The following JKAMP variants were observed in gnomAD, a reference collection of about 807,000 sequenced individuals.
JKAMP encodes the protein JNK1/MAPK8 associated membrane protein.
In JKAMP, 20 loss-of-function variants were observed where a neutral mutation model predicts 40.2. The ratio of observed to expected loss-of-function variants is 0.50; its 90% CI spans 0.35 to 0.72. The LOEUF is 0.72. JKAMP is among the 30% of genes least tolerant of loss of function. JKAMP has a pLI of 0.01. For missense variants in JKAMP, 276 were observed against 373.0 expected (o/e 0.74, Z 2.14); for synonymous variants, 138 against 131.6 (o/e 1.05, Z -0.33).
rs1257565382 is a variant in JKAMP, at chr14:59,498,898, A to T, written c.630A>T (p.Gly210=). ...TAACCGTGCTTCAGGCAGTTGGTGG[A>T]GGCCTTTTATGTAAGTTTGATGGGT... ...PILTVLQAVG[G]GLLYYAFPYI... Residue 210 remains glycine (G), a synonymous_variant, in exon 5 of 7, where the codon GGA becomes GGT. Transcript: ENST00000616435. The T allele has an allele frequency of 6.3e-7, 1 of 1,598,842 alleles. No individual in the cohort carries two copies. The highest frequency in any genetic ancestry group is 1.7e-5 in the Admixed American group (1 of 58,534).
chr14:59,500,348 A>G (rs908801896), intron 5 of JKAMP, among the ~76,000 whole-genome samples: 1 of 152,226 alleles, frequency 6.6e-6, no homozygotes, highest in Non-Finnish European at 1.5e-5. Context: ...GTAGTTTCAT[A>G]AACTGAAGTC....
intron 2 of JKAMP, 88 bp downstream of exon 2, chr14:59,486,892 C>A: frequency 2.1e-6 from 2 of 930,460 alleles, no homozygotes; most frequent in Non-Finnish European, 3.3e-6. Flanking sequence ...TGTTATTATA[C>A]TCATTAATTT....
At chr14:59,485,013 G>A (rs1890419583) in intron 1 of JKAMP, 2 of 1,597,158 alleles carry the variant, frequency 1.3e-6, no homozygotes, top group Middle Eastern at 1.6e-4. Context: ...GTCACAAAGG[G>A]CAGGACCGCT....
At chr14:59,487,928 T>A in intron 3 of JKAMP, 100 bp downstream of exon 3, 1 of 1,106,120 alleles carries the variant, frequency 9.0e-7, no homozygotes, top group Non-Finnish European at 1.3e-6. Context: ...GTTTTAAAAG[T>A]GGTAAACATG....
chr14:59,484,632 G>A, intron 1 of JKAMP, 39 bp downstream of exon 1: 1 of 1,573,006 alleles, frequency 6.4e-7, no homozygotes, highest in South Asian at 1.2e-5. Flanking sequence ...GTTTCTGGTA[G>A]TCCCGACTAC....
intron 6 of JKAMP, 68 bp downstream of exon 6, chr14:59,501,335 C>A: frequency 1.0e-6 from 1 of 961,162 alleles, no homozygotes; most frequent in Non-Finnish European, 1.6e-6. Context: ...TCAGAATAGT[C>A]CATATGATAT....
intron 6 of JKAMP, among the ~76,000 whole-genome samples, chr14:59,502,750 A>ATTT (rs760030560): frequency 2.0e-4 from 1 of 4,908 alleles, no homozygotes; most frequent in African/African-American, 3.5e-4. Flanking sequence ...ATAAAATGAG[A>ATTT]TTTTTTTTTT....
intron 5 of JKAMP, among the ~76,000 whole-genome samples, chr14:59,499,658 G>T (rs886769682): frequency 2.0e-5 from 3 of 152,190 alleles, no homozygotes; most frequent in Non-Finnish European, 4.4e-5. Flanking sequence ...ACGTCCCAAG[G>T]ATGTTGGACA....
chr14:59,502,110 T>G (rs959192110), intron 6 of JKAMP, among the ~76,000 whole-genome samples: 5 of 152,300 alleles, frequency 3.3e-5, no homozygotes, highest in African/African-American at 1.2e-4. Context: ...AAATGGGCAT[T>G]CTTGTACATT....
intron 3 of JKAMP, among the ~76,000 whole-genome samples, chr14:59,488,077 A>G (rs183705874): frequency 1.3e-5 from 2 of 152,250 alleles, no homozygotes; most frequent in Non-Finnish European, 2.9e-5. Context: ...CTTCTCAACT[A>G]TAATCCTTAT....
At chr14:59,498,392 A>G (rs558749448) in intron 4 of JKAMP, among the ~76,000 whole-genome samples, 19 of 152,318 alleles carry the variant, frequency 1.2e-4, no homozygotes, top group African/African-American at 4.3e-4. Flanking sequence ...ATTATAAGTG[A>G]TTCAATAAAA....
chr14:59,497,038 A>C (rs1338461639), intron 4 of JKAMP, among the ~76,000 whole-genome samples: 2 of 150,446 alleles, frequency 1.3e-5, no homozygotes, highest in Non-Finnish European at 2.9e-5. Flanking sequence ...AAGCAATAGC[A>C]CACAGTTACC....
intron 4 of JKAMP, among the ~76,000 whole-genome samples, chr14:59,496,689 T>A (rs1466289357): frequency 1.3e-5 from 2 of 152,188 alleles, no homozygotes; most frequent in Non-Finnish European, 2.9e-5. Context: ...GGCAGCACTC[T>A]CTGTCAATCA....
chr14:59,490,126 T>C (rs770134863), intron 3 of JKAMP, among the ~76,000 whole-genome samples: 4 of 152,066 alleles, frequency 2.6e-5, no homozygotes, highest in Non-Finnish European at 5.9e-5. Flanking sequence ...CTCTCTATGT[T>C]GCCCAGGCTG....
chr14:59,499,670 C>G (rs1046129110), intron 5 of JKAMP, among the ~76,000 whole-genome samples: 8 of 152,022 alleles, frequency 5.3e-5, no homozygotes, highest in Admixed American at 1.3e-4. Flanking sequence ...TGTTGGACAC[C>G]ATCCTTTATA....
intron 3 of JKAMP, among the ~76,000 whole-genome samples, chr14:59,490,746 A>G (rs1890930887): frequency 6.6e-6 from 1 of 152,214 alleles, no homozygotes; most frequent in Non-Finnish European, 1.5e-5. Context: ...TTTCTGTTAT[A>G]TTAATAGAAT....
chr14:59,492,093 C>G (rs1193807550), intron 3 of JKAMP, among the ~76,000 whole-genome samples: 2 of 152,060 alleles, frequency 1.3e-5, no homozygotes, highest in Non-Finnish European at 2.9e-5. Context: ...TGAGAGGACA[C>G]AGATAATGGA....
At position 59,498,905 on chromosome 14, in the gene JKAMP, T is replaced by C. The variant is rs746036927; in HGVS notation, c.637T>C (p.Leu213=). ...GCTTCAGGCAGTTGGTGGAGGCCTT[T>C]TATGTAAGTTTGATGGGTAAAGTCA... ...TVLQAVGGGL[L]YYAFPYIILV... Residue 213 remains leucine (L), a synonymous_variant, in exon 5 of 7, where the codon TTA becomes CTA. Coordinates refer to ENST00000616435, the MANE Select transcript of JKAMP (RefSeq NM_016475.5). The C allele has an allele frequency of 6.3e-7, 1 of 1,590,280 alleles. No homozygotes were observed. The highest frequency in any genetic ancestry group is 2.3e-5 in the East Asian group (1 of 44,318).
At chr14:59,503,480 T>C (rs544859122) in intron 6 of JKAMP, among the ~76,000 whole-genome samples, 1 of 152,146 alleles carries the variant, frequency 6.6e-6, no homozygotes, top group African/African-American at 2.4e-5. Flanking sequence ...CACCTGTAGA[T>C]CCATAGCAAC....
Sources: gnomAD v4.1 joint callset for allele counts (sites outside exome capture counted in the v4.1 genomes callset) on GRCh38, gnomAD v4.1.1 for gene constraint, MANE v1.5 for transcripts, NCBI Gene and HGNC (gene_info 2026-07-23, HGNC 2026-07-21) for gene names.